Variants in TDRP observed in about 807,000 individuals in gnomAD.
The protein encoded by TDRP is testis development related protein.
In TDRP, 12 loss-of-function variants were observed where a neutral mutation model predicts 10.5. The ratio of observed to expected loss-of-function variants is 1.15; its 90% CI spans 0.73 to 1.86. The LOEUF is 1.86. Among genes scored for constraint, TDRP ranks in the 40% most tolerant of loss-of-function variants. TDRP has a pLI of 0.00. For missense variants in TDRP, 353 were observed against 229.2 expected, an observed-to-expected ratio of 1.54 and a Z score of -3.49; for synonymous variants, 139 against 95.4, an observed-to-expected ratio of 1.46 and a Z score of -2.67.
At chr8:510,907 T>C (rs1801598729) in intron 1 of TDRP, among the ~76,000 whole-genome samples, 1 of 152,136 alleles carries the variant, frequency 6.6e-6, no homozygotes, top group African/African-American at 2.4e-5. Flanking sequence ...ATATACTACA[T>C]AGAAATGTAA....
At chr8:495,352 C>G (rs973792893) in intron 1 of TDRP, among the ~76,000 whole-genome samples, 2 of 152,226 alleles carry the variant, frequency 1.3e-5, no homozygotes, top group African/African-American at 4.8e-5. Context: ...AACTGTGCCA[C>G]TACCTTTAAG....
chr8:528,283 A>G (rs183544228), intron 1 of TDRP, among the ~76,000 whole-genome samples: 52 of 152,340 alleles, frequency 3.4e-4, no homozygotes, highest in African/African-American at 1.2e-3. Context: ...GATGTGGAGA[A>G]AAGGAAACCG....
At chr8:499,871 G>C (rs529256681) in intron 1 of TDRP, among the ~76,000 whole-genome samples, 1 of 152,218 alleles carries the variant, frequency 6.6e-6, no homozygotes, top group African/African-American at 2.4e-5. Flanking sequence ...GTCCTGAGGT[G>C]GACAAAATCT....
chr8:522,635 A>C (rs545186348), intron 1 of TDRP, among the ~76,000 whole-genome samples: 2 of 152,284 alleles, frequency 1.3e-5, no homozygotes, highest in Non-Finnish European at 2.9e-5. Context: ...CGCCCCATGA[A>C]ATGCTTAAAA....
intron 1 of TDRP, among the ~76,000 whole-genome samples, chr8:497,937 G>A (rs1283940950): frequency 2.0e-5 from 3 of 152,186 alleles, no homozygotes; most frequent in African/African-American, 7.2e-5. Context: ...GTTTCTACAT[G>A]GTATTGGGCC....
chr8:490,504 C>T lies in TDRP; in HGVS notation c.*1895G>A, dbSNP rs922882517. On this transcript the variant is annotated 3_prime_UTR_variant, in exon 3 of 3. Coordinates refer to ENST00000324079, the MANE Select transcript of TDRP (RefSeq NM_001384899.1). ...AACATGGGAAGCGTCCCCATCTCCCCACACACGTGATTTCCAGAGTTTCAA... is the reference window on the plus strand; with the variant it reads ...AACATGGGAAGCGTCCCCATCTCCCTACACACGTGATTTCCAGAGTTTCAA... The T allele has an allele frequency of 1.3e-5, 2 of 152,258 alleles. No individual in the cohort carries two copies. Among genetic ancestry groups the T allele is most frequent in the African/African-American group, 4.8e-5 (2 of 41,464 alleles). 9.4% of individuals were successfully genotyped at this position (152,258 alleles called of 1,614,324 possible).
chr8:504,415 T>TG (rs1417235537), intron 1 of TDRP, among the ~76,000 whole-genome samples: 1 of 151,810 alleles, frequency 6.6e-6, no homozygotes, highest in Admixed American at 6.6e-5. Flanking sequence ...CTGAAGTCAG[T>TG]GGGGGGAGGC....
In TDRP at chr8:503,914, C is replaced by T. The variant is rs530943295; in HGVS notation, c.109-9317G>A. ...AGGGTAACCCACCCCCACCTCAGCACGCACCAACATGGAATCCAGAGCCAC... is the reference window on the plus strand; with the variant it reads ...AGGGTAACCCACCCCCACCTCAGCATGCACCAACATGGAATCCAGAGCCAC... On this transcript the variant is annotated intron_variant, in intron 1 of 2. Transcript: ENST00000324079. 1.5e-4 allele frequency among the ~76,000 whole-genome samples: 18 copies of T among 116,770 alleles called. 1 individual carries two copies. In the South Asian group the frequency reaches 4.7e-3, roughly 31 times the overall value. The allele number at this position is 116,770 out of a possible 152,430, so 76.6% of individuals were successfully genotyped here. A position where few individuals can be genotyped will look rare whatever the true frequency, so the allele number is the denominator to read the frequency against.
chr8:506,417 C>T (rs972317284), intron 1 of TDRP, among the ~76,000 whole-genome samples: 2 of 152,158 alleles, frequency 1.3e-5, no homozygotes, highest in East Asian at 1.9e-4. Flanking sequence ...CCAGGAGGAA[C>T]TGGACTTCAG....
chr8:532,100 A>C (rs541826133), intron 1 of TDRP, among the ~76,000 whole-genome samples: 18 of 152,300 alleles, frequency 1.2e-4, no homozygotes, highest in Non-Finnish European at 2.2e-4. Context: ...TCTTGCCTTT[A>C]ATTCCTCTGC....
At chr8:504,056 C>T (rs1207259017) in intron 1 of TDRP, among the ~76,000 whole-genome samples, 1 of 152,080 alleles carries the variant, frequency 6.6e-6, no homozygotes, top group East Asian at 1.9e-4. Context: ...AAAAGGGTAA[C>T]CCACACCCAC....
chr8:535,060 A>G (rs928471563), intron 1 of TDRP, among the ~76,000 whole-genome samples: 3 of 152,250 alleles, frequency 2.0e-5, no homozygotes, highest in Non-Finnish European at 4.4e-5. Context: ...GAACTAGAAT[A>G]TCTGCCATTT....
chr8:545,112 C>A (rs1432048908), upstream of TDRP: 1 of 166,612 alleles, frequency 6.0e-6, no homozygotes, highest in African/African-American at 2.5e-5. Context: ...TCCCATCCCC[C>A]ACAGAAAGGT....
intron 1 of TDRP, chr8:495,098 T>C (rs1345194497): frequency 6.4e-6 from 1 of 155,984 alleles, no homozygotes; most frequent in Non-Finnish European, 1.4e-5. Context: ...CCAGGTATGG[T>C]GGTGCAAACC....
intron 1 of TDRP, among the ~76,000 whole-genome samples, chr8:531,804 AAAG>A (rs1802207559): frequency 6.6e-6 from 1 of 152,222 alleles, no homozygotes; most frequent in Non-Finnish European, 1.5e-5. Context: ...AATATCTGGC[AAAG>A]AATAGCTAAA....
intron 2 of TDRP, 53 bp downstream of exon 2, chr8:494,441 G>C: frequency 2.6e-6 from 4 of 1,554,724 alleles, no homozygotes; most frequent in East Asian, 2.3e-5. Flanking sequence ...CACCTCCTCA[G>C]TGACTTCCTC....
Position 491,811 on chromosome 8 carries a change from A to G in TDRP, c.*588T>C. ...ACAAGAAGCTATTCCTCCCTCAGCA[A>G]AAGATGAACATGCATTTTAAGATAC... On this transcript the variant is annotated 3_prime_UTR_variant, in exon 3 of 3. Transcript: ENST00000324079. 2.4e-6 allele frequency: 3 copies of G among 1,252,018 alleles called. No homozygotes were observed. Among genetic ancestry groups the G allele is most frequent in the Non-Finnish European group, 3.0e-6 (3 of 999,540 alleles). 77.6% of individuals were successfully genotyped at this position (1,252,018 alleles called of 1,614,324 possible). A position where few individuals can be genotyped will look rare whatever the true frequency, so the allele number is the denominator to read the frequency against.
intron 1 of TDRP, among the ~76,000 whole-genome samples, chr8:499,874 C>T (rs150321477): frequency 6.6e-6 from 1 of 152,266 alleles, no homozygotes; most frequent in South Asian, 2.1e-4. Flanking sequence ...CTGAGGTGGA[C>T]AAAATCTTAG....
chr8:523,606 C>G (rs1313499628), intron 1 of TDRP, among the ~76,000 whole-genome samples: 1 of 152,182 alleles, frequency 6.6e-6, no homozygotes, highest in African/African-American at 2.4e-5. Flanking sequence ...GCAGCATTCA[C>G]GAGCTGACTA....
Sources: allele counts gnomAD v4.1 joint callset (sites outside exome capture counted in the v4.1 genomes callset), GRCh38; gene constraint gnomAD v4.1.1; transcripts MANE v1.5; gene names NCBI Gene and HGNC (gene_info 2026-07-23, HGNC 2026-07-21).